Variants in IGF2R observed in about 807,000 individuals in gnomAD.
IGF2R encodes cation-independent mannose-6-phosphate receptor.
Under a neutral mutation model 270.6 loss-of-function variants are expected in IGF2R, and 91 were observed. The observed-to-expected ratio is 0.34, with a 90% CI of 0.28 to 0.40. IGF2R has a LOEUF of 0.40. Ranked by LOEUF, IGF2R falls within the 10% of genes least tolerant of loss-of-function variation. IGF2R has a pLI of 1.00. For missense variants in IGF2R, 2,805 were observed against 3,188.3 expected (o/e 0.88, Z 2.90); for synonymous variants, 1,316 against 1,258.9 (o/e 1.05, Z -0.96).
chr6:160,076,037 G>A (rs1326219884), intron 36 of IGF2R, 41 bp downstream of exon 36: 1 of 1,602,340 alleles, frequency 6.2e-7, no homozygotes, highest in Non-Finnish European at 8.5e-7. Context: ...TCAACTGCGG[G>A]TTAGTGAGCC....
intron 36 of IGF2R, 69 bp from the exon 37 acceptor site, chr6:160,078,132 C>A (rs573128551): frequency 4.7e-6 from 7 of 1,494,342 alleles, no homozygotes; most frequent in East Asian, 2.3e-5. Flanking sequence ...CCTGTAGGGA[C>A]GTGGTGTGTC....
chr6:160,047,787 A>G lies in IGF2R; in HGVS notation c.2230-5A>G. ...CCATCCCTCCGCGCATCTGCCGTGG[A>G]TTAGGAAGAGGATAACTCCACCTAC... On this transcript the variant is annotated splice_polypyrimidine_tract_variant and splice_region_variant and intron_variant, in intron 16 of 47. Coordinates refer to ENST00000356956, the MANE Select transcript of IGF2R (RefSeq NM_000876.4). 3.1e-6 allele frequency: 5 copies of G among 1,589,576 alleles called. No individual in the cohort carries two copies. The highest frequency in any genetic ancestry group is 4.3e-6 in the Non-Finnish European group (5 of 1,157,638).
In IGF2R at chr6:160,099,210, A is replaced by G. The variant is rs1342000126; in HGVS notation, c.6842+2585A>G. Among the ~76,000 whole-genome samples, 4 of 152,384 alleles carry G rather than the reference A, an allele frequency of 2.6e-5. No individual in the cohort carries two copies. In the East Asian group the frequency reaches 7.7e-4, roughly 29 times the overall value. Reference sequence around the variant, plus strand: ...TTAGGGGAGGCTAATTTGTTGTATTAGAAAATAATTCAAGAAAGGTTAAAA... The same window carrying G: ...TTAGGGGAGGCTAATTTGTTGTATTGGAAAATAATTCAAGAAAGGTTAAAA... On this transcript the variant is annotated intron_variant, in intron 45 of 47. Coordinates refer to ENST00000356956, the MANE Select transcript of IGF2R (RefSeq NM_000876.4).
chr6:160,104,352 G>A (rs554051300), intron 47 of IGF2R, among the ~76,000 whole-genome samples: 51 of 152,108 alleles, frequency 3.4e-4, no homozygotes, highest in Non-Finnish European at 5.7e-4. Flanking sequence ...CTGCGCTGGG[G>A]GATCACTGGT....
intron 41 of IGF2R, among the ~76,000 whole-genome samples, chr6:160,085,712 AGTGGGGT>A (rs1414653114): frequency 1.7e-4 from 26 of 152,348 alleles, no homozygotes; most frequent in Admixed American, 1.4e-3. Context: ...CTTAGGCTGG[AGTGGGGT>A]TTCCCGAGTT....
At chr6:160,052,809 C>T (rs1778228441) in intron 19 of IGF2R, among the ~76,000 whole-genome samples, 1 of 152,112 alleles carries the variant, frequency 6.6e-6, no homozygotes, top group Non-Finnish European at 1.5e-5. Flanking sequence ...CTTTGACAAA[C>T]CTGACAAAAA....
intron 19 of IGF2R, among the ~76,000 whole-genome samples, chr6:160,055,108 C>G (rs1181036460): frequency 1.3e-5 from 2 of 152,140 alleles, no homozygotes; most frequent in East Asian, 1.9e-4. Context: ...TGTACACACT[C>G]TCCTTGGGTT....
chr6:160,074,474 A>G (rs1365582440), intron 35 of IGF2R, among the ~76,000 whole-genome samples: 1 of 152,222 alleles, frequency 6.6e-6, no homozygotes, highest in Non-Finnish European at 1.5e-5. Flanking sequence ...TAGAGATGGG[A>G]GTATTGCTAT....
chr6:160,084,995 G>A lies in IGF2R; in HGVS notation c.6069G>A (p.Ser2023=), dbSNP rs749635145. ...CCTGCCCCTTTGTGTCGTTTTCTAG[G>A]TACTATATAAATCTGTGCCAGAAAA... The part of the protein sequence containing the change: ...GSWSLVHNGV[S]YYINLCQKIY... Residue 2023 remains serine, a splice_region_variant and synonymous_variant, in exon 41 of 48, where the codon TCG becomes TCA. Transcript: ENST00000356956. This position sits in a 1 kb window ranked among gnomAD's most constrained non-coding sequence, Gnocchi z 4.6. 3 of 1,613,348 alleles carry A rather than the reference G, an allele frequency of 1.9e-6. No homozygotes were observed. Among genetic ancestry groups the A allele is most frequent in the Admixed American group, 1.7e-5 (1 of 59,984 alleles).
intron 19 of IGF2R, among the ~76,000 whole-genome samples, chr6:160,054,487 A>G (rs1196766976): frequency 6.6e-6 from 1 of 152,158 alleles, no homozygotes; most frequent in Non-Finnish European, 1.5e-5. Flanking sequence ...TCAGAACCAC[A>G]AAAAGGGATG....
chr6:159,990,845 G>A (rs1045571341), intron 1 of IGF2R, among the ~76,000 whole-genome samples: 1 of 152,158 alleles, frequency 6.6e-6, no homozygotes, highest in East Asian at 1.9e-4. Flanking sequence ...GGCCAGGCTG[G>A]TCTTGAACGC....
chr6:159,992,598 T>TCACACA lies in IGF2R; in HGVS notation c.289+1302_289+1307dup, dbSNP rs71033567. ...AATTTGTCCATAGAAAAGAATGAAA[T>TCACACA]CACACACACACACACACACACACAC... is the stretch of plus-strand genomic sequence containing the variant. On this transcript the variant is annotated intron_variant, in intron 2 of 47. Coordinates refer to ENST00000356956, the MANE Select transcript of IGF2R (RefSeq NM_000876.4). Among the ~76,000 whole-genome samples the TCACACA allele has an allele frequency of 8.2e-3, 1,204 of 146,254 alleles. 12 individuals are homozygous for TCACACA. The highest frequency in any genetic ancestry group is 0.029 in the African/African-American group (1,155 of 40,030).
intron 4 of IGF2R, among the ~76,000 whole-genome samples, chr6:160,015,313 G>C (rs998181137): frequency 2.6e-5 from 4 of 152,154 alleles, no homozygotes; most frequent in African/African-American, 9.7e-5. Context: ...CTTTGGAAGA[G>C]GTAATTAAAA....
intron 29 of IGF2R, among the ~76,000 whole-genome samples, 192 bp downstream of exon 29, chr6:160,065,093 G>A (rs1208450471): frequency 6.6e-6 from 1 of 152,244 alleles, no homozygotes; most frequent in Non-Finnish European, 1.5e-5. Context: ...CTGCTGTGGT[G>A]ACTGCATGGG....
chr6:160,071,150 A>G (rs11970240), intron 31 of IGF2R, among the ~76,000 whole-genome samples: 68,182 of 144,922 alleles, frequency 0.47, 16,727 homozygotes, highest in East Asian at 0.65. Flanking sequence ...TCTGTGCCCC[A>G]GACCCAGGAG....
At chr6:159,976,442 T>A (rs1783695354) in intron 1 of IGF2R, among the ~76,000 whole-genome samples, 1 of 152,160 alleles carries the variant, frequency 6.6e-6, no homozygotes, top group Admixed American at 6.5e-5. Context: ...CCAAAAGAAC[T>A]AGTGTTTTGT....
At chr6:159,993,962 TAGGG>T (rs1052394323) in intron 2 of IGF2R, among the ~76,000 whole-genome samples, 2 of 148,976 alleles carry the variant, frequency 1.3e-5, no homozygotes, top group Admixed American at 1.4e-4. Flanking sequence ...TAGAACAAGT[TAGGG>T]AGGATTCCCT....
At chr6:160,026,136 G>A (rs1259204282) in intron 5 of IGF2R, among the ~76,000 whole-genome samples, 1 of 152,158 alleles carries the variant, frequency 6.6e-6, no homozygotes, top group Non-Finnish European at 1.5e-5. Flanking sequence ...CGCTTGCTGT[G>A]TATTCTGCCT....
chr6:160,064,532 G>A lies in IGF2R; in HGVS notation c.4017+1G>A. 1 of 1,614,092 alleles carries A rather than the reference G, an allele frequency of 6.2e-7. No individual in the cohort carries two copies. Among genetic ancestry groups the A allele is most frequent in the Non-Finnish European group, 8.5e-7 (1 of 1,179,978 alleles). ...CTACTGTGACCGCGGCACCCAGCGG[G>A]TGAGCATGTACCGACGGCCCTCAGC... On this transcript the variant is annotated splice_donor_variant, in intron 28 of 47. Coordinates refer to ENST00000356956, the MANE Select transcript of IGF2R (RefSeq NM_000876.4). LOFTEE classifies it high-confidence loss of function.
Sources: gnomAD v4.1 joint callset for allele counts (sites outside exome capture counted in the v4.1 genomes callset) on GRCh38, gnomAD v4.1.1 for gene constraint, Gnocchi (gnomAD v3.1) non-coding constraint, MANE v1.5 for transcripts, NCBI Gene and HGNC (gene_info 2026-07-23, HGNC 2026-07-21) for gene names.